The following DOCK3 variants were observed in gnomAD, a reference collection of about 807,000 sequenced individuals.
The protein encoded by DOCK3 is dedicator of cytokinesis protein 3.
Under a neutral mutation model 265.6 loss-of-function variants are expected in DOCK3, and 60 were observed. The ratio of observed to expected loss-of-function variants is 0.23; its 90% CI spans 0.18 to 0.28. The LOEUF (loss-of-function observed/expected upper bound fraction) is 0.28, where lower values mean the gene tolerates loss of function less well. DOCK3 is among the 10% of genes least tolerant of loss of function. The pLI is 1.00. For synonymous variants in DOCK3, 881 were observed against 938.0 expected (o/e 0.94, Z 1.11); for missense variants, 1,981 against 2,594.3 (o/e 0.76, Z 5.14).
At chr3:50,828,009 G>T (rs955356345) in intron 2 of DOCK3, among the ~76,000 whole-genome samples, 1 of 150,858 alleles carries the variant, frequency 6.6e-6, no homozygotes, top group South Asian at 2.1e-4. Context: ...GCAGTGGTGC[G>T]ATCTCGGCTC....
At chr3:51,169,637 C>T (rs1333744670) in intron 12 of DOCK3, among the ~76,000 whole-genome samples, 1 of 151,876 alleles carries the variant, frequency 6.6e-6, no homozygotes, top group Non-Finnish European at 1.5e-5. Flanking sequence ...CTATTGGGTA[C>T]TAGGCCTAGT....
chr3:51,342,396 A>G (rs769527297), intron 38 of DOCK3, among the ~76,000 whole-genome samples: 1 of 152,202 alleles, frequency 6.6e-6, no homozygotes, highest in Non-Finnish European at 1.5e-5. Context: ...AGCCCATGCA[A>G]CTGATCCACA....
At chr3:50,970,028 C>T (rs1056616161) in intron 5 of DOCK3, among the ~76,000 whole-genome samples, 1 of 151,886 alleles carries the variant, frequency 6.6e-6, no homozygotes, top group African/African-American at 2.4e-5. Flanking sequence ...GCCGAGATAG[C>T]GCCACTGCAC....
At chr3:51,355,118 C>T (rs1394278775) in intron 41 of DOCK3, 95 bp downstream of exon 41, 1 of 1,485,500 alleles carries the variant, frequency 6.7e-7, no homozygotes, top group Non-Finnish European at 9.0e-7. Flanking sequence ...GCCAACCATA[C>T]AGGTTTAGAT....
At chr3:51,363,136 CA>C (rs1201757741) in intron 49 of DOCK3, among the ~76,000 whole-genome samples, 1 of 152,236 alleles carries the variant, frequency 6.6e-6, no homozygotes, top group Non-Finnish European at 1.5e-5. Context: ...AAGGCTTTCT[CA>C]GGAGAGATGG....
rs145081041 is a variant in DOCK3 at position 50,889,418 on chromosome 3, A to G, written c.163-608A>G. ...GTTTTATTTAAAGAGCATTTTATAC[A>G]TCAGGAGATGGGGGCGAAACATTGA... is the stretch of plus-strand genomic sequence containing the variant. On this transcript the variant is annotated intron_variant, in intron 3 of 52. Coordinates refer to ENST00000266037, the MANE Select transcript of DOCK3 (RefSeq NM_004947.5). 1.1e-3 allele frequency among the ~76,000 whole-genome samples: 159 copies of G among 150,976 alleles called. 1 individual carries two copies. Among genetic ancestry groups the G allele is most frequent in the Middle Eastern group, 7.0e-3 (2 of 286 alleles).
chr3:50,788,625 G>C (rs541087866), intron 2 of DOCK3, among the ~76,000 whole-genome samples: 1 of 152,210 alleles, frequency 6.6e-6, no homozygotes, highest in Non-Finnish European at 1.5e-5. Context: ...ACAACCTCCA[G>C]CCAGGCTGGC....
chr3:51,138,483 G>C (rs1315522422), intron 9 of DOCK3, among the ~76,000 whole-genome samples: 1 of 152,184 alleles, frequency 6.6e-6, no homozygotes, highest in Non-Finnish European at 1.5e-5. Context: ...GTAAAGCTCA[G>C]GTTGGCACTG....
chr3:50,777,003 G>A (rs1463702685), intron 1 of DOCK3, among the ~76,000 whole-genome samples: 6 of 152,132 alleles, frequency 3.9e-5, no homozygotes, highest in Admixed American at 3.3e-4. Context: ...GAGAGAATGT[G>A]AGCCAAGCGA....
intron 3 of DOCK3, among the ~76,000 whole-genome samples, chr3:50,864,927 T>C (rs1476560055): frequency 2.6e-5 from 4 of 152,124 alleles, no homozygotes; most frequent in Admixed American, 2.0e-4. Flanking sequence ...TTGGGGTCTT[T>C]TGTGGTTCCA....
At chr3:50,706,467 T>C (rs1310240661) in intron 1 of DOCK3, among the ~76,000 whole-genome samples, 1 of 152,230 alleles carries the variant, frequency 6.6e-6, no homozygotes, top group African/African-American at 2.4e-5. Flanking sequence ...GCTATCAGTC[T>C]GATGAAGTTT....
In DOCK3 at chr3:51,159,087, A is replaced by G. The variant is rs1295870609; in HGVS notation, c.829-157A>G. On this transcript the variant is annotated intron_variant, in intron 10 of 52. Transcript: ENST00000266037. The stretch of plus-strand genomic sequence containing the variant: ...AGCCATATAAGATATCCAGACTTTC[A>G]CTGCAGACATCTTATAAACCATTAA... Among the ~76,000 whole-genome samples the G allele has an allele frequency of 2.6e-5, 4 of 152,250 alleles. No individual in the cohort carries two copies. The East Asian group carries it at 5.8e-4, about 22-fold the overall frequency.
At chr3:51,199,599 C>A (rs1489606121) in intron 12 of DOCK3, among the ~76,000 whole-genome samples, 1 of 152,244 alleles carries the variant, frequency 6.6e-6, no homozygotes, top group African/African-American at 2.4e-5. Context: ...TAGGCTCCAC[C>A]TCTGGGGGCA....
chr3:50,843,367 C>T (rs2045931451), intron 3 of DOCK3, among the ~76,000 whole-genome samples: 1 of 151,984 alleles, frequency 6.6e-6, no homozygotes, highest in African/African-American at 2.4e-5. Flanking sequence ...CTGTCTTCAG[C>T]TAGGCCACCA....
At chr3:50,839,464 G>T (rs1033242417) in intron 2 of DOCK3, among the ~76,000 whole-genome samples, 2 of 152,178 alleles carry the variant, frequency 1.3e-5, no homozygotes, top group Admixed American at 1.3e-4. Context: ...AAGAGTGAAT[G>T]AGAGTTCCTT....
intron 10 of DOCK3, among the ~76,000 whole-genome samples, chr3:51,148,624 G>C (rs538364344): frequency 7.2e-4 from 109 of 152,214 alleles, no homozygotes; most frequent in African/African-American, 2.6e-3. Flanking sequence ...TCTTGTTTTT[G>C]TCAGGTTTGT....
At chr3:51,008,703 A>G (rs976808274) in intron 5 of DOCK3, among the ~76,000 whole-genome samples, 1 of 152,196 alleles carries the variant, frequency 6.6e-6, no homozygotes, top group East Asian at 1.9e-4. Context: ...GCCAGTTTTC[A>G]AAGGGAATGC....
intron 12 of DOCK3, among the ~76,000 whole-genome samples, chr3:51,201,916 A>T (rs1171464346): frequency 1.3e-5 from 2 of 152,208 alleles, no homozygotes; most frequent in Admixed American, 6.5e-5. Flanking sequence ...CTGCTCCTGA[A>T]TGACTACTGG....
chr3:51,240,180 T>G (rs1195233300), intron 21 of DOCK3, among the ~76,000 whole-genome samples: 2 of 152,254 alleles, frequency 1.3e-5, no homozygotes, highest in Non-Finnish European at 2.9e-5. Context: ...ACTTGTTGAT[T>G]TCTGCCTTAA....
Sources: allele counts gnomAD v4.1 joint callset (sites outside exome capture counted in the v4.1 genomes callset), GRCh38; gene constraint gnomAD v4.1.1; transcripts MANE v1.5; gene names NCBI Gene and HGNC (gene_info 2026-07-23, HGNC 2026-07-21).